The following TAF12 variants were observed in gnomAD, a reference collection of about 807,000 sequenced individuals.
The protein encoded by TAF12 is transcription initiation factor TFIID subunit 12.
In TAF12, 3 loss-of-function variants were observed where a neutral mutation model predicts 20.8. That is an observed-to-expected ratio of 0.14 (90% CI 0.07 to 0.37). The LOEUF (loss-of-function observed/expected upper bound fraction) is 0.37, where lower values mean the gene tolerates loss of function less well. Ranked by LOEUF, TAF12 falls within the 10% of genes least tolerant of loss-of-function variation. The pLI, the probability that TAF12 is intolerant of heterozygous loss-of-function variation, is 1.00. For synonymous variants in TAF12, 69 were observed against 70.2 expected, an observed-to-expected ratio of 0.98 and a Z score of 0.09; for missense variants, 131 against 197.9, an observed-to-expected ratio of 0.66 and a Z score of 2.03.
intron 1 of TAF12, chr1:28,624,142 T>TA (rs1316185181): frequency 3.7e-6 from 1 of 273,620 alleles, no homozygotes; most frequent in Non-Finnish European, 5.6e-6. Flanking sequence ...TGTGGAGAAA[T>TA]ATATCTCCTT....
At chr1:28,627,397 A>G (rs1667443257) in intron 1 of TAF12, among the ~76,000 whole-genome samples, 1 of 150,826 alleles carries the variant, frequency 6.6e-6, no homozygotes, top group Non-Finnish European at 1.5e-5. Context: ...CAAAGAAAAA[A>G]AAAAAAAAAA....
rs1205900524 is a variant in TAF12, at chr1:28,603,275, T to C, written c.*264A>G. The C allele has an allele frequency of 7.9e-6, 4 of 508,284 alleles. No individual in the cohort carries two copies. Among genetic ancestry groups the C allele is most frequent in the African/African-American group, 1.9e-5 (1 of 52,368 alleles). The allele number at this position is 508,284 out of a possible 1,614,324, so 31.5% of individuals were successfully genotyped here. A position where few individuals can be genotyped will look rare whatever the true frequency, so the allele number is the denominator to read the frequency against. Reference sequence around the variant, plus strand: ...GCTTTGTCCCATATTCAGTCACTTATATAATAAACCACAAATAAAATCTTC... The same window carrying C: ...GCTTTGTCCCATATTCAGTCACTTACATAATAAACCACAAATAAAATCTTC... On this transcript the variant is annotated 3_prime_UTR_variant, in exon 6 of 6. Transcript: ENST00000373824.
At chr1:28,647,873 CAA>C (rs35986604), upstream of TAF12, among the ~76,000 whole-genome samples, 466 of 147,760 alleles carry the variant, frequency 3.2e-3, 2 homozygotes, top group African/African-American at 0.011. Flanking sequence ...GACTCCGTCT[CAA>C]AAAAAAAAAA....
In TAF12 at chr1:28,613,856, T is replaced by A. The variant is rs187652210; in HGVS notation, c.247-495A>T. Among the ~76,000 whole-genome samples, 11 of 152,188 alleles carry A rather than the reference T, an allele frequency of 7.2e-5. No homozygotes were observed. In the East Asian group the frequency reaches 2.1e-3, roughly 29 times the overall value. ...GGTACAATGGCTCATGCCTGTAATC[T>A]CAGCACTTTGGGAAGCCGAGTTGGG... On this transcript the variant is annotated intron_variant, in intron 3 of 5. Coordinates refer to ENST00000373824, the MANE Select transcript of TAF12 (RefSeq NM_005644.4).
chr1:28,622,250 T>G (rs1667243626), intron 1 of TAF12, 85 bp from the exon 2 acceptor site: 1 of 1,321,044 alleles, frequency 7.6e-7, no homozygotes, highest in African/African-American at 1.5e-5. Context: ...CCTGGTGCAA[T>G]GGCTCACAAC....
chr1:28,605,456 G>A lies in TAF12; in HGVS notation c.366C>T (p.Arg122=), dbSNP rs755103093. The change falls in exon 5 of 6, where the codon CGC becomes CGT. Residue 122 remains arginine (R), a synonymous_variant. Coordinates refer to ENST00000373824, the MANE Select transcript of TAF12 (RefSeq NM_005644.4). ...EVKDVQLHLE[R]QWNMWIPGFG... ...ATCCTGGGATCCACATGTTCCACTGGCGCTCTGCAAGGAAGAAGCCAGCAC... is the reference window on the plus strand; with the variant it reads ...ATCCTGGGATCCACATGTTCCACTGACGCTCTGCAAGGAAGAAGCCAGCAC... 1.3e-5 allele frequency: 21 copies of A among 1,613,992 alleles called. No homozygotes were observed. In the East Asian group the frequency reaches 4.7e-4, roughly 36 times the overall value.
intron 1 of TAF12, among the ~76,000 whole-genome samples, chr1:28,630,854 G>A (rs1667592821): frequency 6.6e-6 from 1 of 151,656 alleles, no homozygotes; most frequent in Non-Finnish European, 1.5e-5. Context: ...GACCAACCTG[G>A]CCAAGATGGT....
intron 1 of TAF12, among the ~76,000 whole-genome samples, chr1:28,622,491 C>T (rs550385974): frequency 3.9e-5 from 6 of 152,018 alleles, no homozygotes; most frequent in African/African-American, 1.4e-4. Flanking sequence ...GTTTATTACT[C>T]TCAGCTGATA....
intron 4 of TAF12, among the ~76,000 whole-genome samples, chr1:28,610,766 C>A (rs1666827481): frequency 6.6e-6 from 1 of 151,902 alleles, no homozygotes; most frequent in South Asian, 2.1e-4. Context: ...TTGAGACCAG[C>A]CTGGCCAATA....
chr1:28,646,460 T>A (rs1191266030), upstream of TAF12: 4 of 152,200 alleles, frequency 2.6e-5, no homozygotes, highest in Non-Finnish European at 4.4e-5. Flanking sequence ...CTCCATGTAT[T>A]ATTAAAATAT....
At chr1:28,629,825 A>ACAC (rs1424802577) in intron 1 of TAF12, among the ~76,000 whole-genome samples, 1 of 152,062 alleles carries the variant, frequency 6.6e-6, no homozygotes, top group Non-Finnish European at 1.5e-5. Flanking sequence ...TTTTTTTAAA[A>ACAC]CACGGTGTCT....
At chr1:28,644,758 C>T (rs114640542), upstream of TAF12, among the ~76,000 whole-genome samples, 1,184 of 152,310 alleles carry the variant, frequency 7.8e-3, 22 homozygotes, top group African/African-American at 0.026. Flanking sequence ...GTGGCTGGAG[C>T]TTTGGTAACC....
chr1:28,643,607 A>G (rs1668112352), upstream of TAF12: 1 of 152,192 alleles, frequency 6.6e-6, no homozygotes, highest in Non-Finnish European at 1.5e-5. Flanking sequence ...TACCTCCGTT[A>G]CGCCATTTAA....
intron 3 of TAF12, 22 bp from the exon 4 acceptor site, chr1:28,613,383 G>T: frequency 6.3e-7 from 1 of 1,589,984 alleles, no homozygotes. Flanking sequence ...AAAGTGGGAA[G>T]AGTCAGCACG....
chr1:28,605,581 G>T, intron 4 of TAF12, 121 bp from the exon 5 acceptor site: 3 of 882,238 alleles, frequency 3.4e-6, no homozygotes, highest in Non-Finnish European at 5.2e-6. Flanking sequence ...TCCACAAAGG[G>T]ATTCTATTAC....
chr1:28,613,128 C>T (rs1269469172), intron 4 of TAF12, 119 bp downstream of exon 4: 3 of 681,388 alleles, frequency 4.4e-6, no homozygotes, highest in Admixed American at 7.1e-5. Flanking sequence ...TGAATTAATA[C>T]ATAAATCCCA....
chr1:28,609,061 T>A (rs1666768770), intron 4 of TAF12, among the ~76,000 whole-genome samples: 1 of 152,176 alleles, frequency 6.6e-6, no homozygotes, highest in Non-Finnish European at 1.5e-5. Flanking sequence ...TATACATATA[T>A]CTTATATAAT....
intron 1 of TAF12, among the ~76,000 whole-genome samples, chr1:28,626,484 G>C (rs952090122): frequency 1.3e-5 from 2 of 151,328 alleles, no homozygotes; most frequent in Admixed American, 6.6e-5. Flanking sequence ...GGGAGGCTGA[G>C]GCAGGAGAAT....
intron 1 of TAF12, among the ~76,000 whole-genome samples, chr1:28,623,246 G>A (rs1557465583): frequency 1.3e-5 from 2 of 151,892 alleles, no homozygotes; most frequent in Non-Finnish European, 2.9e-5. Flanking sequence ...TAGAGGCTGG[G>A]CACAGTGGCT....
Sources: allele counts gnomAD v4.1 joint callset (sites outside exome capture counted in the v4.1 genomes callset), GRCh38; gene constraint gnomAD v4.1.1; transcripts MANE v1.5; gene names NCBI Gene and HGNC (gene_info 2026-07-23, HGNC 2026-07-21).